The following CHRM3 variants were observed in gnomAD, a reference collection of about 807,000 sequenced individuals.
The protein encoded by CHRM3 is cholinergic receptor muscarinic 3.
In CHRM3, 11 loss-of-function variants were observed where a neutral mutation model predicts 41.8. That is an observed-to-expected ratio of 0.26 (90% CI 0.17 to 0.44). The LOEUF (loss-of-function observed/expected upper bound fraction) is 0.44, where lower values mean the gene tolerates loss of function less well. Ranked by LOEUF, CHRM3 falls within the 20% of genes least tolerant of loss-of-function variation. The probability of loss-of-function intolerance (pLI) is 1.00; values close to 1 mark genes in which losing one functional copy is unlikely to be tolerated. For missense variants in CHRM3, 571 were observed against 745.4 expected (o/e 0.77, Z 2.72); for synonymous variants, 297 against 301.4 (o/e 0.99, Z 0.15).
chr1:239,828,152 G>A (rs1475456685), intron 6 of CHRM3, among the ~76,000 whole-genome samples: 2 of 151,990 alleles, frequency 1.3e-5, no homozygotes, highest in African/African-American at 4.8e-5. Context: ...ATACACACAT[G>A]GTGACACAGA....
intron 4 of CHRM3, among the ~76,000 whole-genome samples, chr1:239,655,482 C>T (rs148397754): frequency 9.2e-5 from 14 of 152,310 alleles, no homozygotes; most frequent in African/African-American, 3.4e-4. Flanking sequence ...TCATCTATCC[C>T]TGCCTTTCTA....
chr1:239,584,608 G>C (rs1240271702), intron 3 of CHRM3, among the ~76,000 whole-genome samples: 2 of 152,120 alleles, frequency 1.3e-5, no homozygotes, highest in African/African-American at 4.8e-5. Flanking sequence ...ATAGACTGAA[G>C]AATGCTATGA....
intron 1 of CHRM3, among the ~76,000 whole-genome samples, chr1:239,415,177 G>A (rs923716378): frequency 3.9e-5 from 6 of 152,118 alleles, no homozygotes; most frequent in Non-Finnish European, 7.3e-5. Context: ...AACCTGGTGC[G>A]GTGGCTCATG....
At chr1:239,874,293 A>ATATATATATATATCTATATACACAG (rs1553291872) in intron 6 of CHRM3, among the ~76,000 whole-genome samples, 4,443 of 66,396 alleles carry the variant, frequency 0.067, 119 homozygotes, top group Non-Finnish European at 0.087. Context: ...CAGTATATAT[A>ATATATATATATATCTATATACACAG]TATATATATA....
chr1:239,465,933 CTACTCAACAGGAA>C (rs1665694378), intron 1 of CHRM3, among the ~76,000 whole-genome samples: 1 of 152,118 alleles, frequency 6.6e-6, no homozygotes, highest in Non-Finnish European at 1.5e-5. Context: ...CCTCCTCGGC[CTACTCAACAGGAA>C]TACTTCAAGG....
At chr1:239,489,768 A>G (rs1293877491) in intron 1 of CHRM3, among the ~76,000 whole-genome samples, 1 of 152,222 alleles carries the variant, frequency 6.6e-6, no homozygotes, top group East Asian at 1.9e-4. Context: ...GAACTAGTGT[A>G]CAATGTATTC....
At chr1:239,483,505 C>G (rs1293252383) in intron 1 of CHRM3, among the ~76,000 whole-genome samples, 2 of 152,212 alleles carry the variant, frequency 1.3e-5, no homozygotes, top group Non-Finnish European at 2.9e-5. Context: ...TTTGCAGGAG[C>G]AACTAGAAGT....
chr1:239,533,865 CAT>C (rs1441484294), intron 2 of CHRM3, among the ~76,000 whole-genome samples: 1 of 151,724 alleles, frequency 6.6e-6, no homozygotes, highest in African/African-American at 2.4e-5. Flanking sequence ...CTTCCCATGA[CAT>C]GTGGGGATTA....
At chr1:239,637,075 T>C (rs192716196) in intron 4 of CHRM3, among the ~76,000 whole-genome samples, 255 of 152,312 alleles carry the variant, frequency 1.7e-3, no homozygotes, top group Middle Eastern at 3.4e-3. Flanking sequence ...TGAATTTATA[T>C]AGAACTTCCA....
intron 3 of CHRM3, among the ~76,000 whole-genome samples, chr1:239,551,035 T>TA (rs1286489402): frequency 6.6e-6 from 1 of 150,720 alleles, no homozygotes; most frequent in Non-Finnish European, 1.5e-5. Context: ...TACATAAATA[T>TA]AAAGCACGTA....
At chr1:239,663,663 C>T (rs1049062728) in intron 4 of CHRM3, among the ~76,000 whole-genome samples, 21 of 152,306 alleles carry the variant, frequency 1.4e-4, no homozygotes, top group African/African-American at 5.1e-4. Flanking sequence ...TGGAGTTGAA[C>T]AGTGCCAATG....
At chr1:239,693,695 T>C (rs1458073826) in intron 5 of CHRM3, among the ~76,000 whole-genome samples, 2 of 152,148 alleles carry the variant, frequency 1.3e-5, no homozygotes, top group Non-Finnish European at 2.9e-5. Flanking sequence ...AAACCCAAGA[T>C]AGTGGGGGCA....
intron 1 of CHRM3, among the ~76,000 whole-genome samples, chr1:239,404,155 G>A (rs1253155710): frequency 6.6e-6 from 1 of 151,054 alleles, no homozygotes; most frequent in Non-Finnish European, 1.5e-5. Flanking sequence ...CAGGCGTGGT[G>A]GTGGGCACCT....
At chr1:239,396,374 G>A (rs1467981059) in intron 1 of CHRM3, among the ~76,000 whole-genome samples, 1 of 152,076 alleles carries the variant, frequency 6.6e-6, no homozygotes, top group Non-Finnish European at 1.5e-5. Flanking sequence ...ACTTTGGAAG[G>A]CTGAGGTGGG....
At chr1:239,618,715 C>G (rs191369126) in intron 3 of CHRM3, among the ~76,000 whole-genome samples, 2,615 of 149,418 alleles carry the variant, frequency 0.018, 27 homozygotes, top group African/African-American at 0.028. Flanking sequence ...GTGGTGGCAG[C>G]CACCTGTAGT....
intron 2 of CHRM3, among the ~76,000 whole-genome samples, chr1:239,523,265 G>A (rs908472743): frequency 1.3e-5 from 2 of 151,872 alleles, no homozygotes; most frequent in African/African-American, 2.4e-5. Context: ...AATTTTCAAC[G>A]TGTCAAGTTA....
intron 6 of CHRM3, among the ~76,000 whole-genome samples, chr1:239,875,291 A>C (rs778574914): frequency 6.6e-6 from 1 of 152,206 alleles, no homozygotes; most frequent in Non-Finnish European, 1.5e-5. Context: ...TCTTCTGTTA[A>C]GGGCCTGAGA....
chr1:239,602,303 G>A (rs1231953926), intron 3 of CHRM3, among the ~76,000 whole-genome samples: 1 of 151,678 alleles, frequency 6.6e-6, no homozygotes, highest in Non-Finnish European at 1.5e-5. Flanking sequence ...GACAATTTTA[G>A]GTATTGTTAT....
chr1:239,530,389 G>A (rs1052541658), intron 2 of CHRM3, among the ~76,000 whole-genome samples: 1 of 151,972 alleles, frequency 6.6e-6, no homozygotes, highest in African/African-American at 2.4e-5. Flanking sequence ...AATTTATGTT[G>A]ACATTTAAAA....
Sources: gnomAD v4.1 joint callset for allele counts (sites outside exome capture counted in the v4.1 genomes callset) on GRCh38, gnomAD v4.1.1 for gene constraint, MANE v1.5 for transcripts, NCBI Gene and HGNC (gene_info 2026-07-23, HGNC 2026-07-21) for gene names.